The following CADM2 variants were observed in gnomAD, a reference collection of about 807,000 sequenced individuals.
CADM2 encodes immunoglobulin superfamily member 4D.
CADM2 carries 12 observed loss-of-function variants against 49.8 expected under a neutral mutation model. That is an observed-to-expected ratio of 0.24 (90% CI 0.15 to 0.39). The LOEUF (loss-of-function observed/expected upper bound fraction) is 0.39, where lower values mean the gene tolerates loss of function less well. Ranked by LOEUF, CADM2 falls within the 10% of genes least tolerant of loss-of-function variation. The pLI is 1.00. For missense variants in CADM2, 378 were observed against 492.3 expected, an observed-to-expected ratio of 0.77 and a Z score of 2.20; for synonymous variants, 214 against 175.4, an observed-to-expected ratio of 1.22 and a Z score of -1.74.
At chr3:85,767,553 A>T (rs907484484) in intron 2 of CADM2, among the ~76,000 whole-genome samples, 1 of 152,120 alleles carries the variant, frequency 6.6e-6, no homozygotes, top group African/African-American at 2.4e-5. Context: ...GGCTGGTTGG[A>T]TTATCGTGAT....
chr3:85,283,111 T>A (rs1167440682), intron 1 of CADM2, among the ~76,000 whole-genome samples: 1 of 152,056 alleles, frequency 6.6e-6, no homozygotes, highest in South Asian at 2.1e-4. Flanking sequence ...TATGGCAAGT[T>A]CAATTTTATA....
chr3:86,020,404 A>G (rs1365534756), intron 8 of CADM2, among the ~76,000 whole-genome samples: 1 of 152,132 alleles, frequency 6.6e-6, no homozygotes, highest in Non-Finnish European at 1.5e-5. Flanking sequence ...ATTCTACCAG[A>G]GGTACAAGGA....
intron 1 of CADM2, among the ~76,000 whole-genome samples, chr3:85,566,267 C>A (rs2062251495): frequency 6.6e-6 from 1 of 151,948 alleles, no homozygotes; most frequent in African/African-American, 2.4e-5. Context: ...ACATTCCTTT[C>A]TAGAAAACAA....
intron 1 of CADM2, among the ~76,000 whole-genome samples, chr3:85,547,682 C>T (rs1049008901): frequency 1.3e-5 from 2 of 152,134 alleles, no homozygotes; most frequent in African/African-American, 4.8e-5. Flanking sequence ...AAACAACCAA[C>T]CCTATGTAAA....
intron 1 of CADM2, among the ~76,000 whole-genome samples, chr3:85,392,496 T>C (rs2034564607): frequency 6.6e-6 from 1 of 152,132 alleles, no homozygotes; most frequent in Admixed American, 6.6e-5. Flanking sequence ...AGTGTTTAAA[T>C]ATTTCAAGAG....
chr3:85,195,074 C>A (rs2041309145), intron 1 of CADM2, among the ~76,000 whole-genome samples: 2 of 151,946 alleles, frequency 1.3e-5, no homozygotes, highest in African/African-American at 4.8e-5. Context: ...AGTTTAAAAT[C>A]TACTGAAATA....
At chr3:85,473,120 G>A (rs1413197558) in intron 1 of CADM2, among the ~76,000 whole-genome samples, 1 of 151,922 alleles carries the variant, frequency 6.6e-6, no homozygotes, top group Non-Finnish European at 1.5e-5. Flanking sequence ...AATTTAAATT[G>A]CCAGTTACTA....
chr3:85,152,728 C>G (rs775033766), intron 1 of CADM2, among the ~76,000 whole-genome samples: 1 of 151,960 alleles, frequency 6.6e-6, no homozygotes, highest in Non-Finnish European at 1.5e-5. Context: ...GAGTCTGAGG[C>G]GGGTGGATCA....
intron 1 of CADM2, among the ~76,000 whole-genome samples, chr3:85,119,492 T>C (rs562652200): frequency 6.6e-6 from 1 of 152,280 alleles, no homozygotes; most frequent in South Asian, 2.1e-4. Flanking sequence ...TCCTTTTTGG[T>C]TCCATATGAA....
chr3:86,020,687 G>C (rs9754907), intron 8 of CADM2, among the ~76,000 whole-genome samples: 3 of 151,922 alleles, frequency 2.0e-5, no homozygotes, highest in Admixed American at 2.0e-4. Flanking sequence ...TTCAATATAC[G>C]CAAATCAATA....
At chr3:85,572,129 T>A (rs1163610009) in intron 1 of CADM2, among the ~76,000 whole-genome samples, 1 of 152,018 alleles carries the variant, frequency 6.6e-6, no homozygotes, top group African/African-American at 2.4e-5. Flanking sequence ...AAACCCTGTC[T>A]CTACTAAAAA....
chr3:85,736,558 G>A (rs928852365), intron 2 of CADM2, among the ~76,000 whole-genome samples: 1 of 152,178 alleles, frequency 6.6e-6, no homozygotes, highest in Non-Finnish European at 1.5e-5. Context: ...CAAAGGGAAC[G>A]AGGGTTAAAA....
intron 1 of CADM2, among the ~76,000 whole-genome samples, chr3:85,334,025 A>G (rs551217979): frequency 1.1e-4 from 17 of 151,874 alleles, no homozygotes; most frequent in African/African-American, 3.9e-4. Flanking sequence ...CCTTAAATAT[A>G]AATGAAATGA....
chr3:85,480,424 A>C lies in CADM2; in HGVS notation c.62-246098A>C, dbSNP rs902546555. Among the ~76,000 whole-genome samples the C allele has an allele frequency of 1.3e-4, 20 of 151,864 alleles. 1 individual carries two copies. The highest frequency in any genetic ancestry group is 4.8e-4 in the African/African-American group (20 of 41,410). Reference sequence around the variant, plus strand: ...CCATTTCAAATTTGTGACTGTGGGCAAGTTACCATGTGCCTCACATAAGTG... The same window carrying C: ...CCATTTCAAATTTGTGACTGTGGGCCAGTTACCATGTGCCTCACATAAGTG... On this transcript the variant is annotated intron_variant, in intron 1 of 9. Coordinates refer to ENST00000383699, the MANE Select transcript of CADM2 (RefSeq NM_001167675.2).
At chr3:84,985,062 G>A (rs1158103905) in intron 1 of CADM2, among the ~76,000 whole-genome samples, 1 of 152,082 alleles carries the variant, frequency 6.6e-6, no homozygotes, top group Non-Finnish European at 1.5e-5. Flanking sequence ...TTAATTTTTG[G>A]TACGTGGGTT....
intron 6 of CADM2, among the ~76,000 whole-genome samples, chr3:85,933,167 A>C (rs888558416): frequency 5.3e-5 from 8 of 152,082 alleles, no homozygotes; most frequent in African/African-American, 1.9e-4. Context: ...ATTTTTGTGT[A>C]CTGACAAGGG....
chr3:85,614,777 A>T (rs879843707), intron 1 of CADM2, among the ~76,000 whole-genome samples: 1 of 151,970 alleles, frequency 6.6e-6, no homozygotes, highest in Non-Finnish European at 1.5e-5. Context: ...CCTCTAAAGT[A>T]TCCAGATGTT....
intron 1 of CADM2, among the ~76,000 whole-genome samples, chr3:85,224,582 C>T (rs1372049953): frequency 6.6e-6 from 1 of 152,126 alleles, no homozygotes; most frequent in Non-Finnish European, 1.5e-5. Flanking sequence ...GTTTCTTTTG[C>T]TGTGCAGAAG....
intron 7 of CADM2, among the ~76,000 whole-genome samples, chr3:85,945,394 T>A (rs1016271892): frequency 1.3e-5 from 2 of 151,884 alleles, no homozygotes; most frequent in African/African-American, 4.8e-5. Flanking sequence ...TTCCAATCAA[T>A]AGAAAAAGAG....
Sources: allele counts gnomAD v4.1 joint callset (sites outside exome capture counted in the v4.1 genomes callset), GRCh38; gene constraint gnomAD v4.1.1; transcripts MANE v1.5; gene names NCBI Gene and HGNC (gene_info 2026-07-23, HGNC 2026-07-21).